The following NWD2 variants were observed in gnomAD, a reference collection of about 807,000 sequenced individuals.
The protein encoded by NWD2 is NACHT and WD repeat domain-containing protein 2.
Under a neutral mutation model 132.7 loss-of-function variants are expected in NWD2, and 37 were observed. The observed-to-expected ratio is 0.28, with a 90% confidence interval of 0.21 to 0.37. The LOEUF (loss-of-function observed/expected upper bound fraction) is 0.37, where lower values mean the gene tolerates loss of function less well. NWD2 is among the 10% of genes least tolerant of loss of function. The pLI, the probability that NWD2 is intolerant of heterozygous loss-of-function variation, is 1.00. For missense variants in NWD2, 1,592 were observed against 2,122.4 expected, an observed-to-expected ratio of 0.75 and a Z score of 4.91; for synonymous variants, 705 against 803.0, an observed-to-expected ratio of 0.88 and a Z score of 2.06.
intron 1 of NWD2, among the ~76,000 whole-genome samples, chr4:37,271,303 A>T (rs1320158814): frequency 1.3e-5 from 2 of 151,836 alleles, no homozygotes; most frequent in African/African-American, 2.4e-5. Flanking sequence ...TTGGGATTCC[A>T]TTAAATCTGA....
At chr4:37,347,175 C>T (rs1304277313) in intron 2 of NWD2, among the ~76,000 whole-genome samples, 1 of 152,006 alleles carries the variant, frequency 6.6e-6, no homozygotes, top group Non-Finnish European at 1.5e-5. Context: ...ATTCAGAGAA[C>T]ATACTTTGTA....
chr4:37,325,608 C>T (rs973010230), intron 1 of NWD2, among the ~76,000 whole-genome samples: 2 of 152,128 alleles, frequency 1.3e-5, no homozygotes, highest in Non-Finnish European at 2.9e-5. Flanking sequence ...TCTGCCTCTT[C>T]GAAAGACATT....
intron 1 of NWD2, among the ~76,000 whole-genome samples, chr4:37,281,037 G>C (rs1718117451): frequency 6.6e-6 from 1 of 152,112 alleles, no homozygotes; most frequent in African/African-American, 2.4e-5. Flanking sequence ...TAGAGAGGGT[G>C]GGGAGTGGGT....
chr4:37,266,722 C>A lies in NWD2; in HGVS notation c.151+21504C>A, dbSNP rs182126176. ...TGTTTCTATTTTTCTTAACTTATAT[C>A]ATTAATTATACCGCCTTTATTTTGT... On this transcript the variant is annotated intron_variant, in intron 1 of 6. Transcript: ENST00000309447. 6.6e-5 allele frequency among the ~76,000 whole-genome samples: 10 copies of A among 152,128 alleles called. No individual in the cohort carries two copies. In the East Asian group the frequency reaches 1.9e-3, roughly 29 times the overall value.
chr4:37,255,598 ATATCTTGGGCACAAAGTTCCCT>A (rs1163336469), intron 1 of NWD2, among the ~76,000 whole-genome samples: 2 of 152,210 alleles, frequency 1.3e-5, no homozygotes, highest in East Asian at 3.8e-4. Flanking sequence ...CAGAGTCTGA[ATATCTTGGGCACAAAGTTCCCT>A]TTCTGAAGTG....
intron 2 of NWD2, among the ~76,000 whole-genome samples, chr4:37,351,406 GGGA>G (rs1224913835): frequency 1.3e-5 from 2 of 152,064 alleles, no homozygotes; most frequent in Non-Finnish European, 2.9e-5. Flanking sequence ...GTTTAGACTT[GGGA>G]GGCTGTATGT....
At chr4:37,389,528 A>G (rs537643912) in intron 3 of NWD2, among the ~76,000 whole-genome samples, 4 of 152,222 alleles carry the variant, frequency 2.6e-5, no homozygotes, top group African/African-American at 9.6e-5. Context: ...CTACAGTGAC[A>G]ATGGCTGCAG....
intron 3 of NWD2, among the ~76,000 whole-genome samples, chr4:37,376,735 T>C (rs533861280): frequency 1.3e-5 from 2 of 152,308 alleles, no homozygotes; most frequent in Admixed American, 6.5e-5. Flanking sequence ...AGTGTACAAA[T>C]AGCCTAAAAC....
chr4:37,274,869 C>G (rs1577651995), intron 1 of NWD2, among the ~76,000 whole-genome samples: 3 of 129,022 alleles, frequency 2.3e-5, no homozygotes, highest in African/African-American at 9.4e-5. Flanking sequence ...AGGCCTTTGA[C>G]AAAATTCAAC....
intron 1 of NWD2, among the ~76,000 whole-genome samples, chr4:37,314,500 G>A (rs977100851): frequency 3.3e-5 from 5 of 152,114 alleles, no homozygotes; most frequent in Non-Finnish European, 5.9e-5. Context: ...TTAGTAATAT[G>A]TGTGTTCCTA....
intron 1 of NWD2, among the ~76,000 whole-genome samples, chr4:37,257,012 GC>G (rs1344509983): frequency 1.3e-5 from 2 of 152,132 alleles, no homozygotes; most frequent in Non-Finnish European, 2.9e-5. Flanking sequence ...CAGATTTGGG[GC>G]CCAGGAACTC....
intron 3 of NWD2, among the ~76,000 whole-genome samples, chr4:37,418,144 T>A (rs1711679856): frequency 6.6e-6 from 1 of 151,970 alleles, no homozygotes; most frequent in Non-Finnish European, 1.5e-5. Context: ...AGTAAGGAGT[T>A]CTTTTAAAAA....
intron 1 of NWD2, among the ~76,000 whole-genome samples, chr4:37,247,807 G>A (rs971133068): frequency 1.3e-5 from 2 of 151,828 alleles, no homozygotes; most frequent in South Asian, 2.1e-4. Context: ...ACGGGGTTTC[G>A]TCATGTTAGC....
chr4:37,267,843 C>T (rs1271888979), intron 1 of NWD2, among the ~76,000 whole-genome samples: 2 of 151,862 alleles, frequency 1.3e-5, no homozygotes, highest in East Asian at 3.9e-4. Context: ...GGGGAAAAAA[C>T]ACAGAAATGG....
At chr4:37,421,156 C>G (rs570803729) in intron 3 of NWD2, among the ~76,000 whole-genome samples, 113 of 152,312 alleles carry the variant, frequency 7.4e-4, no homozygotes, top group Non-Finnish European at 1.3e-3. Context: ...TCCACTACCC[C>G]TCTGAAAACT....
intron 1 of NWD2, among the ~76,000 whole-genome samples, chr4:37,250,477 T>G (rs1387350167): frequency 2.6e-5 from 4 of 152,244 alleles, no homozygotes; most frequent in Non-Finnish European, 5.9e-5. Flanking sequence ...TTTCCCAATT[T>G]GTAAAAGAAG....
chr4:37,377,929 G>A (rs925099980), intron 3 of NWD2, among the ~76,000 whole-genome samples: 2 of 152,092 alleles, frequency 1.3e-5, no homozygotes, highest in African/African-American at 4.8e-5. Flanking sequence ...AGTATGTGAA[G>A]TGATGGATTT....
rs74649880 is a variant in NWD2 at position 37,358,353 on chromosome 4, G to C, written c.357+1871G>C. 9.8e-3 allele frequency among the ~76,000 whole-genome samples: 1,467 copies of C among 150,248 alleles called. 13 individuals carry two copies. The highest frequency in any genetic ancestry group is 0.035 in the African/African-American group (1,386 of 39,706). On this transcript the variant is annotated intron_variant, in intron 3 of 6. Transcript: ENST00000309447. ...CAAATGAGAAAAATACGTGGTTTGG[G>C]GGGGTTGGGGGAACGAACACCGAAA... is the stretch of plus-strand genomic sequence containing the variant.
chr4:37,400,608 C>T (rs1052800569), intron 3 of NWD2, among the ~76,000 whole-genome samples: 10 of 152,182 alleles, frequency 6.6e-5, no homozygotes, highest in African/African-American at 2.4e-4. Context: ...TATATGCCTG[C>T]TCTTGATGAG....
Sources: gnomAD v4.1 joint callset for allele counts (sites outside exome capture counted in the v4.1 genomes callset) on GRCh38, gnomAD v4.1.1 for gene constraint, MANE v1.5 for transcripts, NCBI Gene and HGNC (gene_info 2026-07-23, HGNC 2026-07-21) for gene names.